Variants in ZNF521 observed in about 807,000 individuals in gnomAD.
The protein encoded by ZNF521 is zinc finger protein 521.
ZNF521 carries 14 observed loss-of-function variants against 105.5 expected under a neutral mutation model. The observed-to-expected ratio is 0.13, with a 90% CI of 0.09 to 0.21. ZNF521 has a LOEUF of 0.21. Among genes scored for constraint, ZNF521 ranks in the 10% least tolerant of loss-of-function variants. ZNF521 has a pLI of 1.00. For synonymous variants in ZNF521, 635 were observed against 606.0 expected, an observed-to-expected ratio of 1.05 and a Z score of -0.70; for missense variants, 1,233 against 1,629.7, an observed-to-expected ratio of 0.76 and a Z score of 4.19.
chr18:25,108,436 C>G (rs548734489), intron 5 of ZNF521, among the ~76,000 whole-genome samples: 11 of 151,594 alleles, frequency 7.3e-5, no homozygotes, highest in African/African-American at 2.7e-4. Flanking sequence ...ATGTTTTTGT[C>G]TTATCTTTTT....
Position 25,312,684 on chromosome 18 carries a change from G to A in ZNF521, c.220+9324C>T, listed in dbSNP as rs1307944252. On this transcript the variant is annotated intron_variant, in intron 3 of 7. Coordinates refer to ENST00000361524, the MANE Select transcript of ZNF521 (RefSeq NM_015461.3). Reference sequence around the variant, plus strand: ...AAATTAGCCGGGCGCGGTGGCGGGCGCCTGTAGTCCCAGCTACTCGGGAGG... The same window carrying A: ...AAATTAGCCGGGCGCGGTGGCGGGCACCTGTAGTCCCAGCTACTCGGGAGG... Among the ~76,000 whole-genome samples the A allele has an allele frequency of 3.8e-5, 4 of 104,242 alleles. 1 individual carries two copies. The highest frequency in any genetic ancestry group is 1.5e-4 in the African/African-American group (4 of 27,582). The allele number at this position is 104,242 out of a possible 152,430, so 68.4% of individuals were successfully genotyped here.
At chr18:25,212,838 G>GT (rs1474824779) in intron 4 of ZNF521, among the ~76,000 whole-genome samples, 3 of 150,770 alleles carry the variant, frequency 2.0e-5, no homozygotes, top group Non-Finnish European at 4.4e-5. Flanking sequence ...TTTAAAATGT[G>GT]TATTTTCTGG....
intron 5 of ZNF521, among the ~76,000 whole-genome samples, chr18:25,190,566 A>C (rs1600137255): frequency 6.6e-6 from 1 of 152,182 alleles, no homozygotes; most frequent in Non-Finnish European, 1.5e-5. Context: ...GTCTTTTCTA[A>C]AGCAAGTGCA....
intron 5 of ZNF521, among the ~76,000 whole-genome samples, chr18:25,177,188 A>G (rs1600122147): frequency 6.6e-6 from 1 of 152,302 alleles, no homozygotes; most frequent in East Asian, 1.9e-4. Context: ...AAGGTTTTAA[A>G]TGAAGAGATG....
intron 5 of ZNF521, among the ~76,000 whole-genome samples, chr18:25,157,700 C>T (rs1452724425): frequency 6.6e-6 from 1 of 152,042 alleles, no homozygotes; most frequent in East Asian, 1.9e-4. Context: ...CCAAACTGCT[C>T]AGTTCAAATC....
At chr18:25,332,078 T>C (rs1173528662) in intron 2 of ZNF521, among the ~76,000 whole-genome samples, 1 of 116,774 alleles carries the variant, frequency 8.6e-6, no homozygotes, top group African/African-American at 3.0e-5. Flanking sequence ...TTTTTCTTTC[T>C]TTTTCCCCTT....
At chr18:25,169,501 A>G (rs1045958908) in intron 5 of ZNF521, among the ~76,000 whole-genome samples, 3 of 152,200 alleles carry the variant, frequency 2.0e-5, no homozygotes, top group Admixed American at 6.6e-5. Context: ...GTGCAAAGCC[A>G]GCAATTTTTG....
intron 3 of ZNF521, among the ~76,000 whole-genome samples, chr18:25,262,532 T>C (rs1423122733): frequency 6.6e-6 from 1 of 152,232 alleles, no homozygotes; most frequent in Admixed American, 6.5e-5. Context: ...GGAATTCATT[T>C]TGTCATTCTA....
chr18:25,065,072 C>T (rs896526073), intron 7 of ZNF521, among the ~76,000 whole-genome samples: 7 of 152,072 alleles, frequency 4.6e-5, no homozygotes, highest in African/African-American at 9.7e-5. Context: ...TGATTCTGTT[C>T]GGAAAGGTTA....
intron 3 of ZNF521, among the ~76,000 whole-genome samples, chr18:25,284,906 G>A (rs570138893): frequency 6.3e-5 from 9 of 142,360 alleles, no homozygotes; most frequent in African/African-American, 8.0e-5. Context: ...GTGCGTGCGC[G>A]CGCGCACACA....
chr18:25,343,300 A>C (rs1914310327), intron 2 of ZNF521, among the ~76,000 whole-genome samples: 1 of 152,216 alleles, frequency 6.6e-6, no homozygotes, highest in Non-Finnish European at 1.5e-5. Context: ...TTCAAAAAGG[A>C]AATCTTATTC....
chr18:25,104,335 A>C (rs549972759), intron 5 of ZNF521, among the ~76,000 whole-genome samples: 1 of 152,336 alleles, frequency 6.6e-6, no homozygotes, highest in African/African-American at 2.4e-5. Flanking sequence ...TGGCCTTAAA[A>C]CATTTTATAT....
intron 3 of ZNF521, among the ~76,000 whole-genome samples, chr18:25,277,050 G>A (rs1910075716): frequency 6.6e-6 from 1 of 152,076 alleles, no homozygotes; most frequent in Non-Finnish European, 1.5e-5. Context: ...GAGTGTGGTG[G>A]CACACGCTTG....
chr18:25,080,307 G>A lies in ZNF521; in HGVS notation c.3906+9158C>T, dbSNP rs758798629. 1.1e-4 allele frequency among the ~76,000 whole-genome samples: 17 copies of A among 152,204 alleles called. No individual in the cohort carries two copies. In the East Asian group the frequency reaches 2.9e-3, roughly 26 times the overall value. On this transcript the variant is annotated intron_variant, in intron 7 of 7. Coordinates refer to ENST00000361524, the MANE Select transcript of ZNF521 (RefSeq NM_015461.3). ...GCCTTTCACTCCCGTTTAAAGCCTC[G>A]GAGTTGCTGTTCTAAATGACAGCAC... is the stretch of plus-strand genomic sequence containing the variant.
intron 5 of ZNF521, among the ~76,000 whole-genome samples, chr18:25,158,420 TA>T: frequency 6.6e-6 from 1 of 152,292 alleles, no homozygotes; most frequent in East Asian, 1.9e-4. Flanking sequence ...TTTAATTAAT[TA>T]TTCTGCATTT....
chr18:25,106,762 T>C (rs2034081987), intron 5 of ZNF521, among the ~76,000 whole-genome samples: 1 of 152,160 alleles, frequency 6.6e-6, no homozygotes. Flanking sequence ...TAAAATCCTC[T>C]TATTTTAACA....
At chr18:25,341,095 G>A (rs539126804) in intron 2 of ZNF521, among the ~76,000 whole-genome samples, 1 of 151,964 alleles carries the variant, frequency 6.6e-6, no homozygotes, top group Non-Finnish European at 1.5e-5. Context: ...CTTTGAACAC[G>A]AAGACCATCA....
At chr18:25,169,811 A>G (rs558941133) in intron 5 of ZNF521, among the ~76,000 whole-genome samples, 2 of 152,292 alleles carry the variant, frequency 1.3e-5, no homozygotes, top group South Asian at 4.1e-4. Context: ...ACAGAGTAAG[A>G]GATCCAAAGG....
intron 5 of ZNF521, among the ~76,000 whole-genome samples, chr18:25,192,539 C>T (rs571587467): frequency 1.3e-5 from 2 of 152,202 alleles, no homozygotes; most frequent in Non-Finnish European, 2.9e-5. Flanking sequence ...CATCAGGTGA[C>T]ATAATCCTTC....
Sources: allele counts gnomAD v4.1 joint callset (sites outside exome capture counted in the v4.1 genomes callset), GRCh38; gene constraint gnomAD v4.1.1; transcripts MANE v1.5; gene names NCBI Gene and HGNC (gene_info 2026-07-23, HGNC 2026-07-21).